Variants in ROBO2 observed in about 807,000 individuals in gnomAD.
The protein encoded by ROBO2 is roundabout guidance receptor 2.
ROBO2 carries 53 observed loss-of-function variants against 160.8 expected under a neutral mutation model. That is an observed-to-expected ratio of 0.33 (90% CI 0.26 to 0.41). The LOEUF is 0.41. Ranked by LOEUF, ROBO2 falls within the 10% of genes least tolerant of loss-of-function variation. The pLI is 1.00. For missense variants in ROBO2, 1,577 were observed against 1,722.4 expected (o/e 0.92, Z 1.49); for synonymous variants, 664 against 611.7 (o/e 1.09, Z -1.26).
chr3:77,542,929 C>T (rs1306980473), intron 6 of ROBO2, among the ~76,000 whole-genome samples: 1 of 152,136 alleles, frequency 6.6e-6, no homozygotes, highest in African/African-American at 2.4e-5. Flanking sequence ...TGAAATGTTA[C>T]ACTTGTTTAG....
chr3:77,130,865 C>T (rs2075793519), intron 2 of ROBO2, among the ~76,000 whole-genome samples: 1 of 152,154 alleles, frequency 6.6e-6, no homozygotes, highest in Non-Finnish European at 1.5e-5. Flanking sequence ...ATATGATTTT[C>T]CATCATTTAT....
chr3:77,356,719 C>G (rs1424578294), intron 2 of ROBO2, among the ~76,000 whole-genome samples: 2 of 152,224 alleles, frequency 1.3e-5, no homozygotes, highest in Non-Finnish European at 2.9e-5. Context: ...CATACAGTCT[C>G]AGGAAAGTGG....
chr3:77,223,069 C>A (rs2086026564), intron 2 of ROBO2, among the ~76,000 whole-genome samples: 1 of 152,164 alleles, frequency 6.6e-6, no homozygotes, highest in Non-Finnish European at 1.5e-5. Context: ...GAAGCCTTCA[C>A]TTTCCGTTTT....
At chr3:77,137,927 A>C (rs1217503779) in intron 2 of ROBO2, among the ~76,000 whole-genome samples, 1 of 152,220 alleles carries the variant, frequency 6.6e-6, no homozygotes, top group Non-Finnish European at 1.5e-5. Context: ...TCATTGGTGC[A>C]GCCCTTCCAA....
At chr3:77,191,852 C>T (rs928984709) in intron 2 of ROBO2, among the ~76,000 whole-genome samples, 1 of 152,102 alleles carries the variant, frequency 6.6e-6, no homozygotes, top group Non-Finnish European at 1.5e-5. Flanking sequence ...TATTGCATAT[C>T]TATAAATTTT....
At chr3:77,489,256 A>G (rs538065525) in intron 4 of ROBO2, among the ~76,000 whole-genome samples, 1 of 152,156 alleles carries the variant, frequency 6.6e-6, no homozygotes, top group South Asian at 2.1e-4. Context: ...TTTTGCTTTG[A>G]TTTGTTTTTC....
intron 2 of ROBO2, among the ~76,000 whole-genome samples, chr3:76,198,071 G>T (rs924166659): frequency 2.0e-5 from 3 of 152,138 alleles, no homozygotes; most frequent in East Asian, 3.9e-4. Flanking sequence ...CCTCTAGGCC[G>T]AGAGTTTTCC....
intron 2 of ROBO2, among the ~76,000 whole-genome samples, chr3:77,250,015 A>G (rs1345402892): frequency 6.6e-6 from 1 of 152,180 alleles, no homozygotes; most frequent in East Asian, 1.9e-4. Flanking sequence ...GTGTTATAGC[A>G]TACCAGTAAT....
At chr3:76,811,838 T>TTTCCTTCCTTCCTTCCTTCCTTCC (rs59218956) in intron 2 of ROBO2, among the ~76,000 whole-genome samples, 4 of 33,476 alleles carry the variant, frequency 1.2e-4, no homozygotes, top group African/African-American at 3.9e-4. Context: ...TCCTTCCTTC[T>TTTCCTTCCTTCCTTCCTTCCTTCC]TTCCTTCCTT....
At chr3:76,008,525 A>G (rs149935835) in intron 2 of ROBO2, among the ~76,000 whole-genome samples, 1 of 152,178 alleles carries the variant, frequency 6.6e-6, no homozygotes, top group African/African-American at 2.4e-5. Flanking sequence ...TGCAAATTCA[A>G]ATCCTTTCTA....
chr3:76,492,431 C>T (rs774250610), intron 2 of ROBO2, among the ~76,000 whole-genome samples: 2 of 152,048 alleles, frequency 1.3e-5, no homozygotes, highest in Non-Finnish European at 2.9e-5. Context: ...CTTTCTAGGG[C>T]AGCATTAAAA....
intron 2 of ROBO2, among the ~76,000 whole-genome samples, chr3:76,369,547 C>T (rs2075997172): frequency 6.6e-6 from 1 of 151,886 alleles, no homozygotes; most frequent in South Asian, 2.1e-4. Context: ...TGCCAAATGC[C>T]AGCTATATAT....
intron 2 of ROBO2, among the ~76,000 whole-genome samples, chr3:77,178,984 A>G (rs1171957727): frequency 6.6e-6 from 1 of 152,020 alleles, no homozygotes; most frequent in Non-Finnish European, 1.5e-5. Flanking sequence ...CAGGAGGTTC[A>G]TTTTGATGTA....
chr3:77,180,388 T>TTCTCTCTCTCTC lies in ROBO2; in HGVS notation c.388+82066_388+82077dup, dbSNP rs369947015. 6.8e-4 allele frequency among the ~76,000 whole-genome samples: 68 copies of TTCTCTCTCTCTC among 99,358 alleles called. 2 individuals are homozygous for TTCTCTCTCTCTC. The highest frequency in any genetic ancestry group is 9.6e-4 in the Admixed American group (8 of 8,342). 65.2% of individuals were successfully genotyped at this position (99,358 alleles called of 152,430 possible). On this transcript the variant is annotated intron_variant, in intron 2 of 25. Coordinates refer to ENST00000461745, the Ensembl canonical transcript of ROBO2. ...AAATGTTTCTAAACTACCTTTTGAA[T>TTCTCTCTCTCTC]TCTCTCTCTCTCTCTCTCTCTCTCT... is the stretch of plus-strand genomic sequence containing the variant.
rs190295496 is a variant in ROBO2, at chr3:76,738,533, G to A, written c.110-359481G>A. ...CTCCAGACATCGCCACTTGTCCCCT[G>A]GAGGAGGGAGAAAAAGGCCTATGAG... is the stretch of plus-strand genomic sequence containing the variant. On this transcript the variant is annotated intron_variant, in intron 2 of 26. Transcript: ENST00000487694. 3.8e-4 allele frequency among the ~76,000 whole-genome samples: 58 copies of A among 152,256 alleles called. 3 individuals carry two copies. In the East Asian group the frequency reaches 0.01, roughly 27 times the overall value.
intron 2 of ROBO2, among the ~76,000 whole-genome samples, chr3:76,565,756 CTTAT>C (rs2108532673): frequency 6.6e-6 from 1 of 152,232 alleles, no homozygotes; most frequent in African/African-American, 2.4e-5. Context: ...TTCATTTTTA[CTTAT>C]TTGTTTCTGA....
intron 2 of ROBO2, among the ~76,000 whole-genome samples, chr3:76,878,224 T>C (rs2148724192): frequency 6.6e-6 from 1 of 152,104 alleles, no homozygotes; most frequent in East Asian, 1.9e-4. Flanking sequence ...GAGAAGTGAA[T>C]GGAAGAAATG....
chr3:76,236,920 A>G (rs1417282874), intron 2 of ROBO2, among the ~76,000 whole-genome samples: 1 of 151,870 alleles, frequency 6.6e-6, no homozygotes, highest in East Asian at 1.9e-4. Context: ...ATAATGTTGC[A>G]TTTTTTTCCT....
chr3:77,563,717 G>A (rs2093401453), intron 11 of ROBO2, among the ~76,000 whole-genome samples: 1 of 151,880 alleles, frequency 6.6e-6, no homozygotes, highest in Non-Finnish European at 1.5e-5. Flanking sequence ...AGAGGACTCT[G>A]GCATTTATAT....
Sources: allele counts gnomAD v4.1 joint callset (sites outside exome capture counted in the v4.1 genomes callset), GRCh38; gene constraint gnomAD v4.1.1; transcripts MANE v1.5; gene names NCBI Gene and HGNC (gene_info 2026-07-23, HGNC 2026-07-21).